Variants in ERO1A observed in about 807,000 individuals in gnomAD.
The protein encoded by ERO1A is endoplasmic reticulum oxidoreductase 1 alpha, also known as ERO1-like protein alpha.
ERO1A carries 49 observed loss-of-function variants against 76.9 expected under a neutral mutation model. The observed-to-expected ratio is 0.64, with a 90% CI of 0.51 to 0.81. The LOEUF is 0.81. Among genes scored for constraint, ERO1A ranks in the 30% least tolerant of loss-of-function variants. The pLI, the probability that ERO1A is intolerant of heterozygous loss-of-function variation, is 0.00. For missense variants in ERO1A, 448 were observed against 542.1 expected, an observed-to-expected ratio of 0.83 and a Z score of 1.72; for synonymous variants, 174 against 181.2, an observed-to-expected ratio of 0.96 and a Z score of 0.32.
Position 52,652,311 on chromosome 14 carries a change from G to A in ERO1A, c.1056-3C>T. The A allele has an allele frequency of 6.2e-7, 1 of 1,602,812 alleles. No homozygotes were observed. The highest frequency in any genetic ancestry group is 1.1e-5 in the South Asian group (1 of 90,734). On this transcript the variant is annotated splice_region_variant and splice_polypyrimidine_tract_variant and intron_variant, in intron 12 of 15. Coordinates refer to ENST00000395686, the MANE Select transcript of ERO1A (RefSeq NM_014584.3). ...CATCAAAATGCAAAGGAAATGACCT[G>A]CGTTTTAAAACAGAGAATATTCATT... is the stretch of plus-strand genomic sequence containing the variant.
At chr14:52,654,654 T>C (rs1025361729) in intron 11 of ERO1A, among the ~76,000 whole-genome samples, 2 of 152,178 alleles carry the variant, frequency 1.3e-5, no homozygotes, top group African/African-American at 2.4e-5. Flanking sequence ...AAAATATCAA[T>C]AGTGAAGAAA....
At chr14:52,687,672 A>C (rs1334710532) in intron 1 of ERO1A, among the ~76,000 whole-genome samples, 5 of 152,200 alleles carry the variant, frequency 3.3e-5, no homozygotes, top group African/African-American at 1.2e-4. Flanking sequence ...CCAAAGTAAA[A>C]CAGAACTCTG....
At chr14:52,657,841 C>G in intron 11 of ERO1A, 76 bp downstream of exon 11, 3 of 960,224 alleles carry the variant, frequency 3.1e-6, no homozygotes, top group Non-Finnish European at 4.8e-6. Context: ...TTTTCCCATT[C>G]AGGTAAATGC....
rs1329908642 is a variant in ERO1A, at chr14:52,661,306, T to C, written c.677-2A>G. The C allele has an allele frequency of 2.9e-6, 4 of 1,380,118 alleles. No homozygotes were observed. Among genetic ancestry groups the C allele is most frequent in the Non-Finnish European group, 3.9e-6 (4 of 1,034,124 alleles). 85.5% of individuals were successfully genotyped at this position (1,380,118 alleles called of 1,614,324 possible). ...AATTATACTTACCTTCACTTGTCCC[T>C]GAAAAGCAAAACAAAATGTTTATTA... is the stretch of plus-strand genomic sequence containing the variant. On this transcript the variant is annotated splice_acceptor_variant, in intron 8 of 15. Coordinates refer to ENST00000395686, the MANE Select transcript of ERO1A (RefSeq NM_014584.3). LOFTEE classifies it high-confidence loss of function.
At chr14:52,692,166 T>A (rs958136774) in intron 1 of ERO1A, among the ~76,000 whole-genome samples, 1 of 152,238 alleles carries the variant, frequency 6.6e-6, no homozygotes, top group African/African-American at 2.4e-5. Context: ...CTAGGACTTG[T>A]TGAGCACCAA....
chr14:52,668,382 C>T (rs943942063), intron 6 of ERO1A, among the ~76,000 whole-genome samples: 1 of 151,662 alleles, frequency 6.6e-6, no homozygotes, highest in African/African-American at 2.4e-5. Context: ...CCCATCTCTA[C>T]TAAAAATACA....
At chr14:52,669,399 T>C (rs920231712) in intron 6 of ERO1A, among the ~76,000 whole-genome samples, 1 of 151,854 alleles carries the variant, frequency 6.6e-6, no homozygotes, top group East Asian at 1.9e-4. Flanking sequence ...CTCACAACAA[T>C]ATTTAAGGTA....
Position 52,650,552 on chromosome 14 carries a change from T to C in ERO1A, c.1125+1687A>G, listed in dbSNP as rs148884482. 5.0e-3 allele frequency among the ~76,000 whole-genome samples: 766 copies of C among 151,958 alleles called. 10 individuals carry two copies. Among genetic ancestry groups the C allele is most frequent in the African/African-American group, 0.018 (733 of 41,472 alleles). ...AAGATTCTGTGATATATATATATGA[T>C]TTCATATGTACATATATATAATTTC... On this transcript the variant is annotated intron_variant, in intron 13 of 15. Transcript: ENST00000395686.
At chr14:52,683,930 T>G in intron 1 of ERO1A, 23 bp from the exon 2 acceptor site, 1 of 1,555,440 alleles carries the variant, frequency 6.4e-7, no homozygotes, top group Non-Finnish European at 8.7e-7. Context: ...AAATGAAATA[T>G]TAAATTGAAA....
chr14:52,678,429 C>A lies in ERO1A; in HGVS notation c.357+5G>T. ...CTGGACACATCAATAGGTATACGTA[C>A]ACACCTTGTAGCTCGCAGATTTAAT... On this transcript the variant is annotated splice_donor_5th_base_variant and intron_variant, in intron 4 of 15. Coordinates refer to ENST00000395686, the MANE Select transcript of ERO1A (RefSeq NM_014584.3). 6.2e-7 allele frequency: 1 copy of A among 1,612,874 alleles called. No homozygotes were observed. Among genetic ancestry groups the A allele is most frequent in the Non-Finnish European group, 8.5e-7 (1 of 1,179,188 alleles).
intron 13 of ERO1A, among the ~76,000 whole-genome samples, chr14:52,648,528 G>C (rs1219038256): frequency 6.6e-6 from 1 of 152,146 alleles, no homozygotes; most frequent in Non-Finnish European, 1.5e-5. Context: ...CAAATGGATA[G>C]AAATGTTATG....
chr14:52,644,225 G>A (rs2139613198), intron 15 of ERO1A, among the ~76,000 whole-genome samples: 1 of 152,232 alleles, frequency 6.6e-6, no homozygotes, highest in East Asian at 1.9e-4. Context: ...AGGCCAAGGC[G>A]AGCAGACCAC....
intron 9 of ERO1A, chr14:52,658,372 T>A: frequency 2.1e-6 from 1 of 471,770 alleles, no homozygotes; most frequent in Non-Finnish European, 3.8e-6. Context: ...GCTTTAGCAT[T>A]GCCTTAGGTT....
chr14:52,686,878 A>C (rs1271421550), intron 1 of ERO1A, among the ~76,000 whole-genome samples: 1 of 152,054 alleles, frequency 6.6e-6, no homozygotes, highest in Non-Finnish European at 1.5e-5. Flanking sequence ...CCATCTCAAA[A>C]AAAAAAAAAT....
intron 1 of ERO1A, among the ~76,000 whole-genome samples, chr14:52,694,011 G>T (rs1043827599): frequency 3.3e-5 from 5 of 152,044 alleles, no homozygotes; most frequent in African/African-American, 1.2e-4. Flanking sequence ...ACTCCAAAAA[G>T]GTTATTAAGG....
intron 8 of ERO1A, 80 bp from the exon 9 acceptor site, chr14:52,661,384 A>G: frequency 8.5e-7 from 1 of 1,173,522 alleles, no homozygotes; most frequent in Non-Finnish European, 1.2e-6. Flanking sequence ...CATAAAAATA[A>G]GACTTTAATA....
At chr14:52,680,082 C>CAAAAAAAAAAAAAAA (rs35358193) in intron 3 of ERO1A, among the ~76,000 whole-genome samples, 4 of 90,932 alleles carry the variant, frequency 4.4e-5, no homozygotes, top group Non-Finnish European at 8.8e-5. Flanking sequence ...AAAACACAAA[C>CAAAAAAAAAAAAAAA]AAAAAAAAAA....
chr14:52,678,487 A>C lies in ERO1A; in HGVS notation c.319-15T>G. 2 of 1,608,154 alleles carry C rather than the reference A, an allele frequency of 1.2e-6. No individual in the cohort carries two copies. Among genetic ancestry groups the C allele is most frequent in the East Asian group, 2.2e-5 (1 of 44,790 alleles). ...GGAACTTCATCCTGAAAAAGAAAAA[A>C]ATATGTTTTTAGTTGGCATTTATTC... is the stretch of plus-strand genomic sequence containing the variant. On this transcript the variant is annotated splice_polypyrimidine_tract_variant and intron_variant, in intron 3 of 15. Transcript: ENST00000395686.
At chr14:52,647,185 A>G (rs1313953922) in intron 13 of ERO1A, 3 of 92,388 alleles carry the variant, frequency 3.2e-5, no homozygotes, top group Admixed American at 1.3e-4. Flanking sequence ...TTTTTTTAGT[A>G]GAGGCAGGGT....
Sources: allele counts gnomAD v4.1 joint callset (sites outside exome capture counted in the v4.1 genomes callset), GRCh38; gene constraint gnomAD v4.1.1; transcripts MANE v1.5; gene names NCBI Gene and HGNC (gene_info 2026-07-23, HGNC 2026-07-21).